Variants in NDC80 observed in about 807,000 individuals in gnomAD.
The protein encoded by NDC80 is NDC80 kinetochore complex component.
In NDC80, 69 loss-of-function variants were observed where a neutral mutation model predicts 89.3. That is an observed-to-expected ratio of 0.77 (90% CI 0.64 to 0.94). The LOEUF is 0.94. NDC80 is among the 40% of genes least tolerant of loss of function. NDC80 has a pLI of 0.00. For synonymous variants in NDC80, 243 were observed against 255.6 expected, an observed-to-expected ratio of 0.95 and a Z score of 0.47; for missense variants, 593 against 739.6, an observed-to-expected ratio of 0.80 and a Z score of 2.30.
At chr18:2,612,732 T>G (rs1388005051) in intron 16 of NDC80, among the ~76,000 whole-genome samples, 1 of 152,222 alleles carries the variant, frequency 6.6e-6, no homozygotes, top group Non-Finnish European at 1.5e-5. Context: ...TAATGGTAAG[T>G]TACTATTATT....
intron 10 of NDC80, among the ~76,000 whole-genome samples, chr18:2,590,420 G>A (rs992666466): frequency 6.6e-6 from 1 of 152,158 alleles, no homozygotes; most frequent in African/African-American, 2.4e-5. Context: ...TCCCTCCAAG[G>A]ACTCAGGGAG....
At chr18:2,607,996 T>TAA (rs1381576079) in intron 14 of NDC80, among the ~76,000 whole-genome samples, 2 of 132,242 alleles carry the variant, frequency 1.5e-5, no homozygotes, top group Admixed American at 7.5e-5. Context: ...TATATATATA[T>TAA]ATAACTTATT....
At chr18:2,601,087 C>T (rs1037388355) in intron 12 of NDC80, among the ~76,000 whole-genome samples, 32 of 151,486 alleles carry the variant, frequency 2.1e-4, no homozygotes, top group African/African-American at 6.3e-4. Context: ...GAATTGTTTT[C>T]AAAAAAAATA....
chr18:2,599,509 T>C (rs2072673661), intron 12 of NDC80, among the ~76,000 whole-genome samples: 2 of 152,138 alleles, frequency 1.3e-5, no homozygotes. Flanking sequence ...TCTTCCCATG[T>C]AGCAAAAAAG....
At chr18:2,578,259 G>A in intron 5 of NDC80, 118 bp downstream of exon 5, 1 of 934,990 alleles carries the variant, frequency 1.1e-6, no homozygotes, top group Non-Finnish European at 1.6e-6. Context: ...GACCACTGTG[G>A]GCAATATATG....
Position 2,590,140 on chromosome 18 carries a change from C to G in NDC80, c.993C>G (p.Leu331=). 2 of 1,607,606 alleles carry G rather than the reference C, an allele frequency of 1.2e-6. No homozygotes were observed. The highest frequency in any genetic ancestry group is 1.7e-6 in the Non-Finnish European group (2 of 1,177,322). Reference sequence around the variant, plus strand: ...TTCTTGACCAGAAATTAAATGGTCTCAATGAGGAAATTGCTAGAGTAGGTA... The same window carrying G: ...TTCTTGACCAGAAATTAAATGGTCTGAATGAGGAAATTGCTAGAGTAGGTA... ...SAILDQKLNG[L]NEEIARVELE... The change falls in exon 10 of 17, where the codon CTC becomes CTG. Residue 331 remains leucine, a synonymous_variant. Coordinates refer to ENST00000261597, the MANE Select transcript of NDC80 (RefSeq NM_006101.3).
chr18:2,615,523 G>A (rs888921541), intron 16 of NDC80, among the ~76,000 whole-genome samples: 1 of 152,184 alleles, frequency 6.6e-6, no homozygotes, highest in African/African-American at 2.4e-5. Flanking sequence ...GACCCACCTG[G>A]ATAGTGCAGG....
At chr18:2,574,913 T>G in intron 2 of NDC80, 76 bp from the exon 3 acceptor site, 1 of 907,446 alleles carries the variant, frequency 1.1e-6, no homozygotes, top group Non-Finnish European at 1.7e-6. Context: ...AGTTGTTGGT[T>G]CTAATATATT....
In NDC80 at chr18:2,616,394, A is replaced by G. The variant is rs747872146; in HGVS notation, c.1792-43A>G. The G allele has an allele frequency of 6.9e-6, 9 of 1,309,226 alleles. No homozygotes were observed. In the East Asian group the frequency reaches 1.8e-4, roughly 27 times the overall value. The allele number at this position is 1,309,226 out of a possible 1,614,324, so 81.1% of individuals were successfully genotyped here. On this transcript the variant is annotated intron_variant, in intron 16 of 16. Coordinates refer to ENST00000261597, the MANE Select transcript of NDC80 (RefSeq NM_006101.3). The stretch of plus-strand genomic sequence containing the variant: ...TTTACAATTAAACATTTTAAAAGAA[A>G]TTAATTTTTTTTACTTTAACAATTG...
At chr18:2,610,702 G>A (rs2072738381) in intron 15 of NDC80, 57 bp from the exon 16 acceptor site, 2 of 1,169,966 alleles carry the variant, frequency 1.7e-6, no homozygotes, top group Non-Finnish European at 2.4e-6. Context: ...GAGCTAACTA[G>A]AACGGATGTA....
intron 10 of NDC80, 68 bp downstream of exon 10, chr18:2,590,230 C>CT (rs1321874977): frequency 7.8e-6 from 11 of 1,401,824 alleles, no homozygotes; most frequent in East Asian, 5.2e-5. Context: ...GTAAAAACAG[C>CT]TTTGTTATCC....
chr18:2,589,277 T>C lies in NDC80; in HGVS notation c.837T>C (p.Ile279=). The change falls in exon 9 of 17, where the codon ATT becomes ATC. Residue 279 remains isoleucine, a synonymous_variant. Coordinates refer to ENST00000261597, the MANE Select transcript of NDC80 (RefSeq NM_006101.3). Reference sequence around the variant, plus strand: ...AAAACAGAGCATTGAATGAACAGATTGCAAGATTGGAACAAGAAAGAGAAA... The same window carrying C: ...AAAACAGAGCATTGAATGAACAGATCGCAAGATTGGAACAAGAAAGAGAAA... ...EAKNRALNEQ[I]ARLEQEREKE... The C allele has an allele frequency of 6.2e-7, 1 of 1,613,744 alleles. No individual in the cohort carries two copies. Among genetic ancestry groups the C allele is most frequent in the Non-Finnish European group, 8.5e-7 (1 of 1,179,704 alleles).
At chr18:2,610,909 CT>C (rs2143670535) in intron 16 of NDC80, 48 bp downstream of exon 16, 1 of 1,161,434 alleles carries the variant, frequency 8.6e-7, no homozygotes. Context: ...GTTTTTAAAA[CT>C]TTGATACATT....
chr18:2,576,723 CAA>C (rs1288292747), intron 3 of NDC80, among the ~76,000 whole-genome samples: 1 of 152,118 alleles, frequency 6.6e-6, no homozygotes, highest in Non-Finnish European at 1.5e-5. Context: ...ATAAGTGACA[CAA>C]ATGCGTTTAT....
chr18:2,575,720 T>C (rs1881926443), intron 3 of NDC80, among the ~76,000 whole-genome samples: 1 of 151,378 alleles, frequency 6.6e-6, no homozygotes, highest in Non-Finnish European at 1.5e-5. Context: ...AGTCCAGGAG[T>C]TCAAGACCTA....
At chr18:2,577,115 A>G (rs958951671) in intron 3 of NDC80, 2 of 152,164 alleles carry the variant, frequency 1.3e-5, no homozygotes, top group African/African-American at 4.8e-5. Flanking sequence ...TTTGTGGAGC[A>G]TTCCTATAGG....
At chr18:2,595,801 A>C (rs1260527115) in intron 11 of NDC80, among the ~76,000 whole-genome samples, 180 bp downstream of exon 11, 1 of 152,226 alleles carries the variant, frequency 6.6e-6, no homozygotes, top group South Asian at 2.1e-4. Flanking sequence ...AATTTCTCTC[A>C]AATTTAAGAT....
intron 10 of NDC80, among the ~76,000 whole-genome samples, chr18:2,593,141 G>A (rs2072636722): frequency 1.4e-5 from 2 of 146,292 alleles, no homozygotes; most frequent in Admixed American, 7.1e-5. Context: ...TGCAACTTCT[G>A]TCTCCTGGGT....
At chr18:2,616,152 A>G (rs754832918) in intron 16 of NDC80, among the ~76,000 whole-genome samples, 13 of 151,826 alleles carry the variant, frequency 8.6e-5, no homozygotes, top group African/African-American at 1.7e-4. Flanking sequence ...AGCCTCTTGC[A>G]TAGTTGGAAT....
Sources: gnomAD v4.1 joint callset for allele counts (sites outside exome capture counted in the v4.1 genomes callset) on GRCh38, gnomAD v4.1.1 for gene constraint, MANE v1.5 for transcripts, NCBI Gene and HGNC (gene_info 2026-07-23, HGNC 2026-07-21) for gene names.